Variants in ADRA1A observed in about 807,000 individuals in gnomAD.
ADRA1A encodes the protein alpha-1A adrenergic receptor.
Under a neutral mutation model 29.6 loss-of-function variants are expected in ADRA1A, and 31 were observed. That is an observed-to-expected ratio of 1.05 (90% CI 0.79 to 1.41). The LOEUF (loss-of-function observed/expected upper bound fraction) is 1.41, where lower values mean the gene tolerates loss of function less well. Ranked by LOEUF, ADRA1A falls within the 40% of genes most tolerant of loss-of-function variation. The pLI is 0.00. For synonymous variants in ADRA1A, 311 were observed against 254.3 expected (o/e 1.22, Z -2.12); for missense variants, 619 against 601.1 (o/e 1.03, Z -0.31).
intron 2 of ADRA1A, among the ~76,000 whole-genome samples, chr8:26,803,919 C>CTTTCT (rs1808776619): frequency 1.0e-5 from 1 of 95,246 alleles, no homozygotes; most frequent in African/African-American, 4.4e-5. Context: ...TGGAAGTTTC[C>CTTTCT]TTTTTTTTTT....
intron 2 of ADRA1A, among the ~76,000 whole-genome samples, chr8:26,812,516 G>T (rs1489260217): frequency 6.6e-6 from 1 of 152,014 alleles, no homozygotes; most frequent in Non-Finnish European, 1.5e-5. Flanking sequence ...TAAAGTTCAG[G>T]AGATAGTTTT....
chr8:26,785,163 A>G (rs1184288505), intron 2 of ADRA1A, among the ~76,000 whole-genome samples: 2 of 152,198 alleles, frequency 1.3e-5, no homozygotes, highest in African/African-American at 4.8e-5. Flanking sequence ...TAAGGTGTAC[A>G]TTAGAAGCAT....
rs1286413909 is a variant in ADRA1A, at chr8:26,860,734, C to T, written c.883+3353G>A. Among the ~76,000 whole-genome samples the T allele has an allele frequency of 1.3e-5, 2 of 152,172 alleles. No individual in the cohort carries two copies. The highest frequency in any genetic ancestry group is 2.9e-5 in the Non-Finnish European group (2 of 68,036). On this transcript the variant is annotated intron_variant, in intron 2 of 2. Coordinates refer to ENST00000380573, the MANE Select transcript of ADRA1A (RefSeq NM_000680.4). The surrounding 1 kb of genome is among the most constrained non-coding windows in gnomAD (Gnocchi z 4.7). Reference sequence around the variant, plus strand: ...CTCTGTCTCTACTTGCCTCAGGGCTCACACACTTTGCTCTCCTTGTCACTT... The same window carrying T: ...CTCTGTCTCTACTTGCCTCAGGGCTTACACACTTTGCTCTCCTTGTCACTT...
chr8:26,808,312 T>C (rs1249413281), intron 2 of ADRA1A, among the ~76,000 whole-genome samples: 1 of 152,244 alleles, frequency 6.6e-6, no homozygotes, highest in Admixed American at 6.5e-5. Flanking sequence ...AAGATCTTCA[T>C]CCTTTTTTAT....
rs758869751 is a variant in ADRA1A, at chr8:26,769,086, G to A, written c.*1063C>T. The A allele has an allele frequency of 7.7e-5, 76 of 985,252 alleles. No homozygotes were observed. Among genetic ancestry groups the A allele is most frequent in the Non-Finnish European group, 9.2e-5 (76 of 829,870 alleles). 61.0% of individuals were successfully genotyped at this position (985,252 alleles called of 1,614,324 possible). A position where few individuals can be genotyped will look rare whatever the true frequency, so the allele number is the denominator to read the frequency against. ...TAAGGCTCATTCCAACATGCCACAG[G>A]TGAAGCTCATTCATTATGCAATAGT... On this transcript the variant is annotated 3_prime_UTR_variant, in exon 3 of 3. Transcript: ENST00000380573.
intron 2 of ADRA1A, among the ~76,000 whole-genome samples, chr8:26,776,358 A>C (rs1035115857): frequency 6.6e-6 from 1 of 151,982 alleles, no homozygotes; most frequent in Non-Finnish European, 1.5e-5. Context: ...GCTTCATTTT[A>C]CCCCCTGGAA....
rs540659246 is a variant in ADRA1A at position 26,825,447 on chromosome 8, G to A, written c.883+38640C>T. On this transcript the variant is annotated intron_variant, in intron 2 of 2. Transcript: ENST00000380573. The surrounding 1 kb of genome is among the most constrained non-coding windows in gnomAD (Gnocchi z 5.7). ...TTGTTTTCTAATTCCGCCCTACTTC[G>A]TTTCCTATAAGGGGACCAGGAACAC... Among the ~76,000 whole-genome samples the A allele has an allele frequency of 1.2e-4, 19 of 152,182 alleles. No individual in the cohort carries two copies. The highest frequency in any genetic ancestry group is 3.4e-4 in the African/African-American group (14 of 41,496).
In ADRA1A at chr8:26,866,887, C is replaced by T. The variant is rs942544456; in HGVS notation, c.-687+49G>A. 14 of 985,410 alleles carry T rather than the reference C, an allele frequency of 1.4e-5. No individual in the cohort carries two copies. In the African/African-American group the frequency reaches 2.1e-4, roughly 15 times the overall value. The allele number at this position is 985,410 out of a possible 1,614,324, so 61.0% of individuals were successfully genotyped here. On this transcript the variant is annotated intron_variant, in intron 1 of 2. Coordinates refer to ENST00000380573, the MANE Select transcript of ADRA1A (RefSeq NM_000680.4). The surrounding 1 kb of genome is among the most constrained non-coding windows in gnomAD (Gnocchi z 5.7). ...CGTCTCACCAGACGGCGGGGGAGGTCTGCCCTCACCCACTCGGCCCTGCGG... is the reference window on the plus strand; with the variant it reads ...CGTCTCACCAGACGGCGGGGGAGGTTTGCCCTCACCCACTCGGCCCTGCGG...
chr8:26,811,792 G>C (rs1346083719), intron 2 of ADRA1A, among the ~76,000 whole-genome samples: 1 of 152,088 alleles, frequency 6.6e-6, no homozygotes, highest in Non-Finnish European at 1.5e-5. Context: ...AGCTTAGTTC[G>C]ATCTGCTTTT....
intron 2 of ADRA1A, among the ~76,000 whole-genome samples, chr8:26,760,197 G>A (rs765211800): frequency 1.7e-4 from 26 of 152,222 alleles, no homozygotes; most frequent in Non-Finnish European, 3.2e-4. Flanking sequence ...AGGGAACACT[G>A]TGAGGCAATA....
chr8:26,756,568 A>T (rs762737462), exon 3 of ADRA1A: 59 of 1,548,962 alleles, frequency 3.8e-5, no homozygotes, highest in Admixed American at 2.0e-5. Flanking sequence ...TTCCTGTATC[A>T]GTAACAGTAA....
Position 26,756,400 on chromosome 8 carries a change from C to T in ADRA1A, c.*359G>A, listed in dbSNP as rs1486684075. 9 of 1,302,036 alleles carry T rather than the reference C, an allele frequency of 6.9e-6. No homozygotes were observed. The East Asian group carries it at 3.0e-4, about 43-fold the overall frequency. The allele number at this position is 1,302,036 out of a possible 1,614,324, so 80.7% of individuals were successfully genotyped here. On this transcript the variant is annotated 3_prime_UTR_variant, in exon 3 of 3. Transcript: ENST00000380582. ...CTGGGGTGCCTTATGGAATTCCTCA[C>T]ACCCTACACGTGGCTGATGATTCTC... is the stretch of plus-strand genomic sequence containing the variant.
chr8:26,778,105 A>G (rs917604047), intron 2 of ADRA1A, among the ~76,000 whole-genome samples: 28 of 152,190 alleles, frequency 1.8e-4, no homozygotes, highest in African/African-American at 6.5e-4. Context: ...GAGCTGCTGG[A>G]ATTAAAACTT....
intron 2 of ADRA1A, among the ~76,000 whole-genome samples, chr8:26,842,927 C>A: frequency 6.6e-6 from 1 of 151,638 alleles, no homozygotes; most frequent in African/African-American, 2.4e-5. Context: ...GATTATCTCA[C>A]AAGCTCATGA....
intron 2 of ADRA1A, among the ~76,000 whole-genome samples, chr8:26,838,151 C>T (rs1264509768): frequency 1.3e-5 from 2 of 152,168 alleles, no homozygotes; most frequent in East Asian, 1.9e-4. Context: ...TTCTTTTTTT[C>T]AGGCACCAGA....
intron 2 of ADRA1A, among the ~76,000 whole-genome samples, chr8:26,861,301 C>CTG (rs1813436135): frequency 4.7e-5 from 2 of 42,500 alleles, no homozygotes; most frequent in Non-Finnish European, 9.4e-5. Context: ...CCCAGAGGCT[C>CTG]TGTTTTTTTT....
chr8:26,807,604 T>C (rs982664178), intron 2 of ADRA1A, among the ~76,000 whole-genome samples: 1 of 152,186 alleles, frequency 6.6e-6, no homozygotes, highest in Non-Finnish European at 1.5e-5. Flanking sequence ...TTATAGCATG[T>C]AGTGCATAAA....
intron 2 of ADRA1A, among the ~76,000 whole-genome samples, chr8:26,818,526 G>C (rs556396518): frequency 1.3e-5 from 2 of 152,014 alleles, no homozygotes; most frequent in Non-Finnish European, 2.9e-5. Context: ...GGAATTGATG[G>C]CTTAACTATC....
intron 2 of ADRA1A, among the ~76,000 whole-genome samples, chr8:26,782,012 T>C (rs1441838294): frequency 3.3e-5 from 5 of 152,264 alleles, no homozygotes; most frequent in African/African-American, 1.2e-4. Context: ...CTGAGTGCTC[T>C]GGACAGTTCC....
Sources: gnomAD v4.1 joint callset for allele counts (sites outside exome capture counted in the v4.1 genomes callset) on GRCh38, gnomAD v4.1.1 for gene constraint, Gnocchi (gnomAD v3.1) non-coding constraint, MANE v1.5 for transcripts, NCBI Gene and HGNC (gene_info 2026-07-23, HGNC 2026-07-21) for gene names.